WWOX: variants seen among roughly 807,000 people sequenced by gnomAD.
WWOX encodes the protein WW domain containing oxidoreductase.
In WWOX, 69 loss-of-function variants were observed where a neutral mutation model predicts 46.2. The ratio of observed to expected loss-of-function variants is 1.49; its 90% CI spans 1.23 to 1.82. The LOEUF (loss-of-function observed/expected upper bound fraction) is 1.82. WWOX is among the 40% of genes most tolerant of loss of function. WWOX has a pLI of 0.00. For missense variants in WWOX, 919 were observed against 542.6 expected, an observed-to-expected ratio of 1.69 and a Z score of -6.89; for synonymous variants, 359 against 202.6, an observed-to-expected ratio of 1.77 and a Z score of -6.56.
chr16:78,897,799 G>A (rs907130443), intron 8 of WWOX: 1 of 152,142 alleles, frequency 6.6e-6, no homozygotes, highest in African/African-American at 2.4e-5. Context: ...AAGTGTGTAA[G>A]AGTTTATGTT....
chr16:78,967,564 C>G (rs1276697236), intron 8 of WWOX, among the ~76,000 whole-genome samples: 2 of 151,266 alleles, frequency 1.3e-5, no homozygotes, highest in East Asian at 3.9e-4. Flanking sequence ...CTTGGCCTCC[C>G]AGAGTGCTGG....
chr16:79,078,349 A>G (rs1232520900), intron 8 of WWOX: 1 of 152,198 alleles, frequency 6.6e-6, no homozygotes, highest in Non-Finnish European at 1.5e-5. Context: ...GGCAGGCATC[A>G]CAGGGCTGCT....
intron 8 of WWOX, among the ~76,000 whole-genome samples, chr16:78,960,033 A>G (rs1193190188): frequency 1.3e-5 from 2 of 152,208 alleles, no homozygotes; most frequent in Non-Finnish European, 2.9e-5. Context: ...TAGGTCTACC[A>G]GTTAGTGGGT....
chr16:78,560,408 C>T (rs1017637178), intron 8 of WWOX, among the ~76,000 whole-genome samples: 1 of 152,082 alleles, frequency 6.6e-6, no homozygotes, highest in African/African-American at 2.4e-5. Context: ...TTTGGGAGGC[C>T]GAGGTGGGTG....
chr16:79,135,502 G>T (rs1422117321), intron 8 of WWOX, among the ~76,000 whole-genome samples: 4 of 152,098 alleles, frequency 2.6e-5, no homozygotes, highest in Non-Finnish European at 4.4e-5. Context: ...AGAGATTTAA[G>T]TTATTTCTAA....
chr16:78,717,617 G>A lies in WWOX; in HGVS notation c.1056+284865G>A, dbSNP rs571545644. On this transcript the variant is annotated intron_variant, in intron 8 of 8. Coordinates refer to ENST00000566780, the MANE Select transcript of WWOX (RefSeq NM_016373.4). ...GAGTTGGGTTTTGATGAATGAATAG[G>A]AGTTTCCCCAGACACACGGAGGAGA... is the stretch of plus-strand genomic sequence containing the variant. 4.3e-4 allele frequency among the ~76,000 whole-genome samples: 66 copies of A among 152,258 alleles called. 1 individual carries two copies. Among genetic ancestry groups the A allele is most frequent in the African/African-American group, 1.6e-3 (66 of 41,562 alleles).
rs1567635730 is a variant in WWOX, at chr16:78,547,147, A to AC, written c.1056+114395_1056+114396insC. The stretch of plus-strand genomic sequence containing the variant: ...TCTCAGAAAAAAAAAAAAAAAAAAA[A>AC]AAAAAAAAAAAACAACTACCAGGCC... On this transcript the variant is annotated intron_variant, in intron 8 of 8. Coordinates refer to ENST00000566780, the MANE Select transcript of WWOX (RefSeq NM_016373.4). Among the ~76,000 whole-genome samples, 407 of 139,394 alleles carry AC rather than the reference A, an allele frequency of 2.9e-3. 3 individuals carry two copies. The highest frequency in any genetic ancestry group is 0.01 in the East Asian group (45 of 4,458). 91.4% of individuals were successfully genotyped at this position (139,394 alleles called of 152,430 possible). A position where few individuals can be genotyped will look rare whatever the true frequency, so the allele number is the denominator to read the frequency against.
At chr16:78,566,832 A>G (rs1036707683) in intron 8 of WWOX, among the ~76,000 whole-genome samples, 6 of 152,176 alleles carry the variant, frequency 3.9e-5, no homozygotes, top group Admixed American at 6.5e-5. Flanking sequence ...TGATTCATCA[A>G]TCAGAGTGGG....
At chr16:79,182,327 C>T (rs541086822) in intron 8 of WWOX, among the ~76,000 whole-genome samples, 6 of 152,054 alleles carry the variant, frequency 3.9e-5, no homozygotes, top group East Asian at 3.9e-4. Flanking sequence ...TCAAAACGAC[C>T]GGAAATGCCT....
At chr16:78,873,969 A>G (rs571999792) in intron 8 of WWOX, among the ~76,000 whole-genome samples, 2 of 152,124 alleles carry the variant, frequency 1.3e-5, no homozygotes, top group Non-Finnish European at 2.9e-5. Context: ...ATCAAGTTAA[A>G]GAAAGGTTCT....
chr16:78,707,840 T>TATAAATAAATAA (rs10582418), intron 8 of WWOX, among the ~76,000 whole-genome samples: 14 of 143,784 alleles, frequency 9.7e-5, no homozygotes, highest in East Asian at 2.1e-4. Flanking sequence ...GTCTCAAAAA[T>TATAAATAAATAA]ATAAATAAAT....
intron 8 of WWOX, among the ~76,000 whole-genome samples, chr16:78,914,880 G>GAAAAAA (rs10706775): frequency 2.9e-5 from 2 of 69,396 alleles, no homozygotes; most frequent in Admixed American, 2.0e-4. Flanking sequence ...CTCCGCCTCA[G>GAAAAAA]AAAAAAAAAA....
chr16:78,256,128 C>T (rs1051802027), intron 5 of WWOX, among the ~76,000 whole-genome samples: 36 of 119,524 alleles, frequency 3.0e-4, no homozygotes, highest in African/African-American at 1.1e-3. Flanking sequence ...CCATCCTGGG[C>T]GACAGAGCAA....
At chr16:78,178,310 C>T (rs538056395) in intron 5 of WWOX, among the ~76,000 whole-genome samples, 6 of 152,280 alleles carry the variant, frequency 3.9e-5, no homozygotes, top group African/African-American at 1.4e-4. Context: ...GTTTTCATTC[C>T]CGCAAAAGCT....
chr16:78,282,314 A>C (rs894715049), intron 5 of WWOX, among the ~76,000 whole-genome samples: 1 of 152,148 alleles, frequency 6.6e-6, no homozygotes, highest in Admixed American at 6.5e-5. Flanking sequence ...TTGCAATTTT[A>C]TTTTTGCATG....
At chr16:78,681,563 A>T (rs930164808) in intron 8 of WWOX, among the ~76,000 whole-genome samples, 1 of 150,184 alleles carries the variant, frequency 6.7e-6, no homozygotes, top group Non-Finnish European at 1.5e-5. Context: ...AAAAAAAGGA[A>T]AAAGGGAAGA....
chr16:79,072,539 G>C (rs2048571043), intron 8 of WWOX, among the ~76,000 whole-genome samples: 1 of 152,174 alleles, frequency 6.6e-6, no homozygotes, highest in South Asian at 2.1e-4. Flanking sequence ...TCATTAATCT[G>C]TATTCATTTT....
chr16:78,370,077 AG>A (rs1472685461), intron 5 of WWOX, among the ~76,000 whole-genome samples: 2 of 140,280 alleles, frequency 1.4e-5, no homozygotes, highest in African/African-American at 5.5e-5. Flanking sequence ...GCTTGCAGCC[AG>A]CCAAGATCAC....
chr16:78,383,737 T>C (rs1355779165), intron 5 of WWOX, among the ~76,000 whole-genome samples: 1 of 152,168 alleles, frequency 6.6e-6, no homozygotes, highest in East Asian at 1.9e-4. Flanking sequence ...GCCTCCAGTT[T>C]CTCTCCATTT....
Sources: allele counts gnomAD v4.1 joint callset (sites outside exome capture counted in the v4.1 genomes callset), GRCh38; gene constraint gnomAD v4.1.1; transcripts MANE v1.5; gene names NCBI Gene and HGNC (gene_info 2026-07-23, HGNC 2026-07-21).